RAP2A: variants seen among roughly 807,000 people sequenced by gnomAD.
The protein encoded by RAP2A is RAP2A, member of RAS oncogene family.
RAP2A carries 5 observed loss-of-function variants against 15.1 expected under a neutral mutation model. The observed-to-expected ratio is 0.33, with a 90% CI of 0.17 to 0.70. The LOEUF (loss-of-function observed/expected upper bound fraction) is 0.70. Among genes scored for constraint, RAP2A ranks in the 30% least tolerant of loss-of-function variants. RAP2A has a pLI of 0.68. For missense variants in RAP2A, 111 were observed against 240.3 expected (o/e 0.46, Z 3.56); for synonymous variants, 110 against 99.7 (o/e 1.10, Z -0.62).
chr13:97,462,417 G>C (rs2066751907), intron 1 of RAP2A, among the ~76,000 whole-genome samples: 1 of 152,012 alleles, frequency 6.6e-6, no homozygotes, highest in South Asian at 2.1e-4. Context: ...TATATGCAAA[G>C]TAGCAAATAC....
chr13:97,465,723 A>G lies in RAP2A; in HGVS notation c.*1281A>G, dbSNP rs565374072. On this transcript the variant is annotated 3_prime_UTR_variant, in exon 2 of 2. Coordinates refer to ENST00000245304, the MANE Select transcript of RAP2A (RefSeq NM_021033.7). The stretch of plus-strand genomic sequence containing the variant: ...TTTGAAAAGGTGCTCAAGCTCTGAC[A>G]TTTTTGGTTTTCATAGTCGTGAAGT... 3 of 152,316 alleles carry G rather than the reference A, an allele frequency of 2.0e-5. No homozygotes were observed. Among genetic ancestry groups the G allele is most frequent in the South Asian group, 2.1e-4 (1 of 4,828 alleles). 9.4% of individuals were successfully genotyped at this position (152,316 alleles called of 1,614,324 possible).
intron 1 of RAP2A, among the ~76,000 whole-genome samples, chr13:97,461,524 G>C (rs1027983608): frequency 6.6e-6 from 1 of 152,138 alleles, no homozygotes; most frequent in African/African-American, 2.4e-5. Context: ...TTGAGAATTA[G>C]GTTGATGGTA....
intron 1 of RAP2A, among the ~76,000 whole-genome samples, chr13:97,437,870 TAGC>T (rs1348409601): frequency 6.6e-6 from 1 of 152,214 alleles, no homozygotes; most frequent in Non-Finnish European, 1.5e-5. Flanking sequence ...TTTCAAATAA[TAGC>T]AGTCATTTTC....
rs998757004 is a variant in RAP2A at position 97,434,208 on chromosome 13, GTC to G, written c.-253_-252del. Reference sequence around the variant, plus strand: ...GCTCGGGCGGCACCAGCGGCTCCCGGTCTCTCTCTCTGCTCGCCCTCAGTCCC... The same window carrying G: ...GCTCGGGCGGCACCAGCGGCTCCCGGTCTCTCTCTGCTCGCCCTCAGTCCC... On this transcript the variant is annotated 5_prime_UTR_variant, in exon 1 of 2. Transcript: ENST00000245304. 8.9e-5 allele frequency: 13 copies of G among 146,510 alleles called. No individual in the cohort carries two copies. Among genetic ancestry groups the G allele is most frequent in the South Asian group, 1.8e-4 (1 of 5,562 alleles). The allele number at this position is 146,510 out of a possible 1,614,324, so 9.1% of individuals were successfully genotyped here. A position where few individuals can be genotyped will look rare whatever the true frequency, so the allele number is the denominator to read the frequency against.
At chr13:97,441,753 A>C (rs1356011098) in intron 1 of RAP2A, 1 of 448,960 alleles carries the variant, frequency 2.2e-6, no homozygotes, top group Non-Finnish European at 4.5e-6. Flanking sequence ...TTTTTTACAC[A>C]CTTATATTTT....
Position 97,434,495 on chromosome 13 carries a change from C to T in RAP2A, c.25C>T (p.Leu9=), listed in dbSNP as rs376462354. Residue 9 remains leucine (L), a synonymous_variant, in exon 1 of 2, where the codon CTG becomes TTG. Transcript: ENST00000245304. ...GATGCGCGAGTACAAAGTGGTGGTG[C>T]TGGGCTCGGGCGGGGTAGGCAAATC... MREYKVVV[L]GSGGVGKSAL... The T allele has an allele frequency of 3.7e-6, 6 of 1,610,630 alleles. No homozygotes were observed. The highest frequency in any genetic ancestry group is 2.2e-5 in the East Asian group (1 of 44,750).
rs376555203 is a variant in RAP2A at position 97,449,729 on chromosome 13, T to TG, written c.315-14476_315-14475insG. On this transcript the variant is annotated intron_variant, in intron 1 of 1. Coordinates refer to ENST00000245304, the MANE Select transcript of RAP2A (RefSeq NM_021033.7). Reference sequence around the variant, plus strand: ...TTCTTCATTGTGCATTTGTTTTATTTTTTTTTTCCATGTCATCTGTTACTT... The same window carrying TG: ...TTCTTCATTGTGCATTTGTTTTATTTGTTTTTTTCCATGTCATCTGTTACTT... Among the ~76,000 whole-genome samples, 273 of 152,048 alleles carry TG rather than the reference T, an allele frequency of 1.8e-3. 1 individual carries two copies. The highest frequency in any genetic ancestry group is 6.1e-3 in the African/African-American group (251 of 41,484).
chr13:97,439,958 GCTGATTGTTTACA>G (rs1309131402), intron 1 of RAP2A, among the ~76,000 whole-genome samples: 3 of 151,996 alleles, frequency 2.0e-5, no homozygotes, highest in Non-Finnish European at 4.4e-5. Flanking sequence ...AAGTGAGCTG[GCTGATTGTTTACA>G]CTTTCCCCCT....
rs529492681 is a variant in RAP2A at position 97,435,120 on chromosome 13, G to T, written c.314+336G>T. Among the ~76,000 whole-genome samples, 56 of 152,274 alleles carry T rather than the reference G, an allele frequency of 3.7e-4. No homozygotes were observed. The South Asian group carries it at 0.012, about 32-fold the overall frequency. ...GTCTTGGGAAGAGAGGAACTGTGCA[G>T]GTATAGTCGAGACATTTGCAGACTG... On this transcript the variant is annotated intron_variant, in intron 1 of 1. Coordinates refer to ENST00000245304, the MANE Select transcript of RAP2A (RefSeq NM_021033.7).
chr13:97,442,434 A>T (rs2066662010), intron 1 of RAP2A, among the ~76,000 whole-genome samples: 1 of 152,084 alleles, frequency 6.6e-6, no homozygotes, highest in African/African-American at 2.4e-5. Context: ...TATTGGAAAA[A>T]ATTAATAACT....
At position 97,464,262 on chromosome 13, in the gene RAP2A, A is replaced by G. The variant is rs773089799; in HGVS notation, c.372A>G (p.Arg124=). ...ACAAAGTGGACCTGGAAAGTGAGAG[A>G]GAAGTATCGTCCAGCGAAGGCAGAG... The part of the protein sequence containing the change: ...VGNKVDLESE[R]EVSSSEGRAL... Residue 124 remains arginine (R), a synonymous_variant, in exon 2 of 2, where the codon AGA becomes AGG. Transcript: ENST00000245304. The G allele has an allele frequency of 1.2e-6, 2 of 1,614,230 alleles. No individual in the cohort carries two copies. The highest frequency in any genetic ancestry group is 1.7e-5 in the Admixed American group (1 of 60,024).
intron 1 of RAP2A, among the ~76,000 whole-genome samples, chr13:97,457,343 CA>C (rs1488809860): frequency 6.6e-6 from 1 of 150,968 alleles, no homozygotes; most frequent in Non-Finnish European, 1.5e-5. Flanking sequence ...TTATTTTAGC[CA>C]AAAAATGGGG....
At chr13:97,461,059 C>A (rs1164386516) in intron 1 of RAP2A, among the ~76,000 whole-genome samples, 1 of 152,132 alleles carries the variant, frequency 6.6e-6, no homozygotes, top group East Asian at 1.9e-4. Context: ...TTATCTAGTA[C>A]TTCATTTTTT....
intron 1 of RAP2A, among the ~76,000 whole-genome samples, chr13:97,439,079 A>T (rs1594321758): frequency 6.6e-6 from 1 of 152,334 alleles, no homozygotes; most frequent in East Asian, 1.9e-4. Flanking sequence ...GATGGAGGAA[A>T]TGGCACAGGA....
chr13:97,441,264 A>T (rs994542651), intron 1 of RAP2A, among the ~76,000 whole-genome samples: 7 of 152,154 alleles, frequency 4.6e-5, no homozygotes, highest in Non-Finnish European at 4.4e-5. Flanking sequence ...GTATCAATAA[A>T]ATCTACAATA....
chr13:97,466,331 A>AT lies in RAP2A; in HGVS notation c.*1895dup, dbSNP rs1056124585. Reference sequence around the variant, plus strand: ...TTGAATATTTACATTCTTCAGTATAATTTTTTATAATCCTCAATTATGAAC... The same window carrying AT: ...TTGAATATTTACATTCTTCAGTATAATTTTTTTATAATCCTCAATTATGAAC... On this transcript the variant is annotated 3_prime_UTR_variant, in exon 2 of 2. Transcript: ENST00000245304. 1 of 152,114 alleles carries AT rather than the reference A, an allele frequency of 6.6e-6. No homozygotes were observed. The allele number at this position is 152,114 out of a possible 1,614,324, so 9.4% of individuals were successfully genotyped here.
At position 97,462,061 on chromosome 13, in the gene RAP2A, T is replaced by G. The variant is rs192111143; in HGVS notation, c.315-2144T>G. ...ATATATTTATATATATATTTATATA[T>G]ATATTTATATATTATATATATTGTA... is the stretch of plus-strand genomic sequence containing the variant. On this transcript the variant is annotated intron_variant, in intron 1 of 1. Coordinates refer to ENST00000245304, the MANE Select transcript of RAP2A (RefSeq NM_021033.7). Among the ~76,000 whole-genome samples the G allele has an allele frequency of 1.7e-3, 246 of 145,004 alleles. 1 individual carries two copies. Among genetic ancestry groups the G allele is most frequent in the African/African-American group, 5.6e-3 (223 of 39,808 alleles).
intron 1 of RAP2A, among the ~76,000 whole-genome samples, chr13:97,449,758 C>G (rs937316703): frequency 9.2e-5 from 14 of 151,980 alleles, no homozygotes; most frequent in African/African-American, 3.4e-4. Flanking sequence ...GTTACTTCTC[C>G]TGGTTCAAGT....
At chr13:97,447,468 C>T (rs976650285) in intron 1 of RAP2A, among the ~76,000 whole-genome samples, 13 of 152,130 alleles carry the variant, frequency 8.5e-5, no homozygotes, top group African/African-American at 3.1e-4. Context: ...TAGCACCTGA[C>T]ACATAGAAAA....
Sources: gnomAD v4.1 joint callset for allele counts (sites outside exome capture counted in the v4.1 genomes callset) on GRCh38, gnomAD v4.1.1 for gene constraint, MANE v1.5 for transcripts, NCBI Gene and HGNC (gene_info 2026-07-23, HGNC 2026-07-21) for gene names.